Variants in SYNE1 observed in about 807,000 individuals in gnomAD.
SYNE1 encodes the protein nesprin-1.
Under a neutral mutation model 1,111.0 loss-of-function variants are expected in SYNE1, and 616 were observed. The ratio of observed to expected loss-of-function variants is 0.55; its 90% CI spans 0.52 to 0.59. The LOEUF (loss-of-function observed/expected upper bound fraction) is 0.59. Among genes scored for constraint, SYNE1 ranks in the 20% least tolerant of loss-of-function variants. The pLI, the probability that SYNE1 is intolerant of heterozygous loss-of-function variation, is 0.00. For synonymous variants in SYNE1, 3,855 were observed against 3,825.8 expected (o/e 1.01, Z -0.28); for missense variants, 10,006 against 10,417.0 (o/e 0.96, Z 1.72).
At chr6:152,173,944 C>A (rs922366825) in intron 130 of SYNE1, among the ~76,000 whole-genome samples, 1 of 152,124 alleles carries the variant, frequency 6.6e-6, no homozygotes, top group African/African-American at 2.4e-5. Context: ...AACAGCCAGA[C>A]AAAATATGTT....
At chr6:152,321,526 T>C in intron 83 of SYNE1, 136 bp from the exon 84 acceptor site, 1 of 1,291,812 alleles carries the variant, frequency 7.7e-7, no homozygotes, top group South Asian at 1.4e-5. Context: ...TGTTCTTTTG[T>C]CTCTGAATAT....
intron 3 of SYNE1, among the ~76,000 whole-genome samples, chr6:152,582,419 A>G: frequency 6.6e-6 from 1 of 152,144 alleles, no homozygotes; most frequent in East Asian, 1.9e-4. Context: ...ATATGTGTAT[A>G]TATACATGTG....
chr6:152,221,181 A>C, intron 118 of SYNE1, 135 bp from the exon 119 acceptor site: 1 of 1,136,880 alleles, frequency 8.8e-7, no homozygotes. Flanking sequence ...ATAAAAATTA[A>C]TGTTTCATAT....
intron 8 of SYNE1, among the ~76,000 whole-genome samples, chr6:152,507,999 T>C (rs1488679206): frequency 6.6e-6 from 1 of 152,200 alleles, no homozygotes; most frequent in Non-Finnish European, 1.5e-5. Context: ...CCCACCATCT[T>C]CAATCTTATG....
At chr6:152,173,609 G>A (rs1445303688) in intron 130 of SYNE1, among the ~76,000 whole-genome samples, 2 of 152,220 alleles carry the variant, frequency 1.3e-5, no homozygotes, top group Admixed American at 6.5e-5. Context: ...CAATGCAGAT[G>A]TGACAGCCGG....
At chr6:152,466,139 C>A in intron 16 of SYNE1, 61 bp from the exon 17 acceptor site, 2 of 1,061,518 alleles carry the variant, frequency 1.9e-6, no homozygotes, top group South Asian at 2.5e-5. Context: ...ATGCCAAAGT[C>A]AATTTTCTTC....
chr6:152,610,126 A>C (rs2099627138), intron 3 of SYNE1, among the ~76,000 whole-genome samples: 1 of 152,238 alleles, frequency 6.6e-6, no homozygotes, highest in Non-Finnish European at 1.5e-5. Flanking sequence ...CAATGGAACA[A>C]AGCTGGACAG....
At chr6:152,385,254 CCTT>C (rs2097506903) in intron 55 of SYNE1, among the ~76,000 whole-genome samples, 1 of 152,046 alleles carries the variant, frequency 6.6e-6, no homozygotes, top group Non-Finnish European at 1.5e-5. Flanking sequence ...TGAAGTACTC[CCTT>C]CTATTATGTT....
intron 3 of SYNE1, among the ~76,000 whole-genome samples, chr6:152,608,777 T>C (rs2099623044): frequency 6.6e-6 from 1 of 151,886 alleles, no homozygotes; most frequent in African/African-American, 2.4e-5. Flanking sequence ...CTACTAAAAA[T>C]ACAAAAATTA....
intron 14 of SYNE1, among the ~76,000 whole-genome samples, chr6:152,482,097 T>C (rs564795938): frequency 7.2e-5 from 11 of 152,166 alleles, no homozygotes; most frequent in Non-Finnish European, 1.5e-4. Context: ...CCTCTGCAGA[T>C]CATCAAATCT....
chr6:152,463,400 G>A lies in SYNE1; in HGVS notation c.2050C>T (p.Leu684=). 6.2e-7 allele frequency: 1 copy of A among 1,613,810 alleles called. No individual in the cohort carries two copies. ...MVSRDLKQQL[L]LLNGRWRELF... The stretch of plus-strand genomic sequence containing the variant: ...TCCCTCCACCGCCCATTTAGCAACA[G>A]TAATTGCTGCTTCAGGTCACGGGAA... Residue 684 remains leucine, a synonymous_variant, in exon 19 of 146, where the codon CTG becomes TTG. Coordinates refer to ENST00000367255, the MANE Select transcript of SYNE1 (RefSeq NM_182961.4).
intron 92 of SYNE1, among the ~76,000 whole-genome samples, chr6:152,301,329 A>T (rs555972889): frequency 1.3e-5 from 2 of 152,348 alleles, no homozygotes; most frequent in South Asian, 4.1e-4. Flanking sequence ...GTATAGGAAA[A>T]TAGTGGTGCA....
intron 100 of SYNE1, among the ~76,000 whole-genome samples, chr6:152,262,612 G>C (rs1276991111): frequency 6.6e-6 from 1 of 152,158 alleles, no homozygotes; most frequent in Non-Finnish European, 1.5e-5. Context: ...AGGACACAGA[G>C]AAATAGTACA....
chr6:152,371,545 A>G (rs2097179800), intron 59 of SYNE1, among the ~76,000 whole-genome samples: 1 of 139,436 alleles, frequency 7.2e-6, no homozygotes, highest in African/African-American at 2.6e-5. Flanking sequence ...ATGGGGGACC[A>G]TGATCAGGAA....
At chr6:152,262,343 A>C (rs1333224894) in intron 100 of SYNE1, among the ~76,000 whole-genome samples, 155 bp from the exon 101 acceptor site, 1 of 152,248 alleles carries the variant, frequency 6.6e-6, no homozygotes, top group Non-Finnish European at 1.5e-5. Context: ...GTTTAGGCCA[A>C]TCATAAAGCA....
intron 3 of SYNE1, among the ~76,000 whole-genome samples, chr6:152,568,611 T>G (rs2099429027): frequency 6.6e-6 from 1 of 152,182 alleles, no homozygotes; most frequent in Non-Finnish European, 1.5e-5. Flanking sequence ...CCTATTTATT[T>G]ACATTTAGAG....
intron 127 of SYNE1, among the ~76,000 whole-genome samples, chr6:152,198,393 C>G (rs2074629418): frequency 6.6e-6 from 1 of 152,188 alleles, no homozygotes; most frequent in African/African-American, 2.4e-5. Context: ...CAAAGTTTCT[C>G]TGTATCAGCA....
At chr6:152,350,996 T>C (rs1173195395) in intron 70 of SYNE1, among the ~76,000 whole-genome samples, 1 of 152,184 alleles carries the variant, frequency 6.6e-6, no homozygotes, top group East Asian at 1.9e-4. Context: ...TATGTGGAGA[T>C]AAAAGGATGG....
rs551556048 is a variant in SYNE1, at chr6:152,449,462, C to G, written c.3504+71G>C. ...TTCCAGAAAGAAAAAAGCAGAGAAC[C>G]GTTAGATTCTCTAACATTATTCTTC... On this transcript the variant is annotated intron_variant, in intron 28 of 145. Coordinates refer to ENST00000367255, the MANE Select transcript of SYNE1 (RefSeq NM_182961.4). The G allele has an allele frequency of 1.7e-5, 20 of 1,150,448 alleles. No individual in the cohort carries two copies. In the African/African-American group the frequency reaches 2.1e-4, roughly 12 times the overall value. 71.3% of individuals were successfully genotyped at this position (1,150,448 alleles called of 1,614,324 possible).
Sources: gnomAD v4.1 joint callset for allele counts (sites outside exome capture counted in the v4.1 genomes callset) on GRCh38, gnomAD v4.1.1 for gene constraint, MANE v1.5 for transcripts, NCBI Gene and HGNC (gene_info 2026-07-23, HGNC 2026-07-21) for gene names.